Variants in SOD3 observed in about 807,000 individuals in gnomAD.
SOD3 encodes superoxide dismutase 3.
A neutral mutation model predicts 2.6 loss-of-function variants in SOD3; 3 were observed. The observed-to-expected ratio is 1.13, with a 90% CI of 0.52 to 2.93. The LOEUF is 2.93. Ranked by LOEUF, SOD3 falls within the 30% of genes most tolerant of loss-of-function variation. The pLI, the probability that SOD3 is intolerant of heterozygous loss-of-function variation, is 0.04. For synonymous variants in SOD3, 188 were observed against 177.5 expected, an observed-to-expected ratio of 1.06 and a Z score of -0.47; for missense variants, 379 against 370.4, an observed-to-expected ratio of 1.02 and a Z score of -0.19.
In SOD3 at chr4:24,799,879, G is replaced by A. The variant is rs1367821404; in HGVS notation, c.358G>A (p.Asp120Asn). The change falls in exon 2 of 2, where the codon GAC (aspartate) becomes AAC (asparagine). Residue 120 changes from aspartate to asparagine, a missense_variant. Transcript: ENST00000382120. ...SRAIHVHQFG[D>N]LSQGCESTGP... ...CGCCATCCACGTGCACCAGTTCGGG[G>A]ACCTGAGCCAGGGCTGCGAGTCCAC... 6.2e-7 allele frequency: 1 copy of A among 1,602,652 alleles called. No individual in the cohort carries two copies.
In SOD3 at chr4:24,799,578, G is replaced by T; in HGVS notation, c.57G>T (p.Trp19Cys). 1 of 1,602,886 alleles carries T rather than the reference G, an allele frequency of 6.2e-7. No homozygotes were observed. Among genetic ancestry groups the T allele is most frequent in the Non-Finnish European group, 8.5e-7 (1 of 1,178,826 alleles). Residue 19 changes from tryptophan to cysteine, a missense_variant, in exon 2 of 2, where the codon TGG (tryptophan) becomes TGT (cysteine). Trp to Cys is a radical substitution (Grantham distance 215). Transcript: ENST00000382120. ...LLLAAGASDA[W>C]TGEDSAEPNS... ...TGGCAGCCGGTGCCTCGGACGCCTG[G>T]ACGGGCGAGGACTCGGCGGAGCCCA...
rs1237507454 is a variant in SOD3, at chr4:24,799,829, C to G, written c.308C>G (p.Pro103Arg). Reference protein sequence around the residue: ...LDAFFALEGFPTEPNSSSRAI... With the variant: ...LDAFFALEGFRTEPNSSSRAI... The stretch of plus-strand genomic sequence containing the variant: ...GCCTTCTTCGCCCTGGAGGGCTTCC[C>G]GACCGAGCCGAACAGCTCCAGCCGC... Residue 103 changes from proline to arginine, a missense_variant, in exon 2 of 2, where the codon CCG (proline) becomes CGG (arginine). Transcript: ENST00000382120. 6.2e-7 allele frequency: 1 copy of G among 1,600,408 alleles called. No homozygotes were observed. Among genetic ancestry groups the G allele is most frequent in the Non-Finnish European group, 8.5e-7 (1 of 1,178,762 alleles).
chr4:24,796,514 G>A (rs557847337), intron 1 of SOD3, among the ~76,000 whole-genome samples: 8 of 123,322 alleles, frequency 6.5e-5, no homozygotes, highest in Middle Eastern at 5.5e-3. Flanking sequence ...GTAGTGGCAC[G>A]ATCACTATCA....
intron 1 of SOD3, among the ~76,000 whole-genome samples, chr4:24,798,737 C>T (rs751859320): frequency 1.3e-5 from 2 of 152,142 alleles, no homozygotes; most frequent in Non-Finnish European, 2.9e-5. Context: ...GGCTGGAAAA[C>T]TCCTACCCAT....
chr4:24,795,973 T>A (rs17882570), intron 1 of SOD3, among the ~76,000 whole-genome samples: 3,513 of 152,194 alleles, frequency 0.023, 130 homozygotes, highest in East Asian at 0.15. Flanking sequence ...CGGGAGCCAC[T>A]TATGGGACAG....
intron 1 of SOD3, among the ~76,000 whole-genome samples, chr4:24,796,430 C>CTTTTTTT (rs1203564280): frequency 9.7e-6 from 1 of 102,928 alleles, no homozygotes; most frequent in African/African-American, 3.4e-5. Flanking sequence ...CCTCCTCCTT[C>CTTTTTTT]TTCTCTTTTT....
chr4:24,798,596 C>T (rs1713741505), intron 1 of SOD3, among the ~76,000 whole-genome samples: 1 of 152,154 alleles, frequency 6.6e-6, no homozygotes, highest in African/African-American at 2.4e-5. Flanking sequence ...CCCCTTTCCT[C>T]TTCATCCCAA....
At chr4:24,796,831 CACACCCAAA>C (rs1713681770) in intron 1 of SOD3, among the ~76,000 whole-genome samples, 1 of 152,138 alleles carries the variant, frequency 6.6e-6, no homozygotes, top group Non-Finnish European at 1.5e-5. Flanking sequence ...AGCTCACTGA[CACACCCAAA>C]ACAATCTGGT....
chr4:24,800,088 C>T lies in SOD3; in HGVS notation c.567C>T (p.Arg189=), dbSNP rs1713800067. ...ACGCTGGCGAGGACGACCTGGGCCGCGGCGGCAACCAGGCCAGCGTGGAGA... is the reference window on the plus strand; with the variant it reads ...ACGCTGGCGAGGACGACCTGGGCCGTGGCGGCAACCAGGCCAGCGTGGAGA... The part of the protein sequence containing the change: ...VVHAGEDDLG[R]GGNQASVENG... The change falls in exon 2 of 2, where the codon CGC becomes CGT. Residue 189 remains arginine (R), a synonymous_variant. Transcript: ENST00000382120. 2.1e-6 allele frequency: 3 copies of T among 1,402,152 alleles called. No individual in the cohort carries two copies. Among genetic ancestry groups the T allele is most frequent in the Non-Finnish European group, 2.8e-6 (3 of 1,089,378 alleles). 86.9% of individuals were successfully genotyped at this position (1,402,152 alleles called of 1,614,324 possible).
Position 24,799,560 on chromosome 4 carries a change from C to T in SOD3, c.39C>T (p.Ala13=). 6.2e-7 allele frequency: 1 copy of T among 1,601,684 alleles called. No homozygotes were observed. The highest frequency in any genetic ancestry group is 8.5e-7 in the Non-Finnish European group (1 of 1,179,038). Residue 13 remains alanine (A), a synonymous_variant, in exon 2 of 2, where the codon GCC becomes GCT. Coordinates refer to ENST00000382120, the MANE Select transcript of SOD3 (RefSeq NM_003102.4). ...ALLCSCLLLA[A]GASDAWTGED... ...TGTGTTCCTGCCTGCTCCTGGCAGC[C>T]GGTGCCTCGGACGCCTGGACGGGCG...
Position 24,800,402 on chromosome 4 carries a change from C to T in SOD3, c.*158C>T. The T allele has an allele frequency of 1.4e-6, 1 of 694,428 alleles. No individual in the cohort carries two copies. The highest frequency in any genetic ancestry group is 5.3e-5 in the South Asian group (1 of 18,906). The allele number at this position is 694,428 out of a possible 1,614,324, so 43.0% of individuals were successfully genotyped here. On this transcript the variant is annotated 3_prime_UTR_variant, in exon 2 of 2. Coordinates refer to ENST00000382120, the MANE Select transcript of SOD3 (RefSeq NM_003102.4). The stretch of plus-strand genomic sequence containing the variant: ...TCTCCACCCAGAGGTCTCCCTATAC[C>T]GAGACCCACCATCCTTCCATCCTGA...
intron 1 of SOD3, 42 bp from the exon 2 acceptor site, chr4:24,799,464 T>C: frequency 6.3e-7 from 1 of 1,581,456 alleles, no homozygotes. Flanking sequence ...TTCACGTGAC[T>C]AAGCCTCACT....
Position 24,799,999 on chromosome 4 carries a change from C to A in SOD3, c.478C>A (p.Arg160Ser). 6.4e-7 allele frequency: 1 copy of A among 1,566,830 alleles called. No homozygotes were observed. Among genetic ancestry groups the A allele is most frequent in the South Asian group, 1.2e-5 (1 of 86,710 alleles). Residue 160 changes from arginine (R) to serine (S), a missense_variant, in exon 2 of 2, where the codon CGC (arginine) becomes AGC (serine). Arg to Ser is a moderately radical substitution (Grantham distance 110). Coordinates refer to ENST00000382120, the MANE Select transcript of SOD3 (RefSeq NM_003102.4). ...AVRDGSLWRY[R>S]AGLAASLAGP... ...CCGCGACGGCAGCCTCTGGAGGTAC[C>A]GCGCCGGCCTGGCCGCCTCGCTCGC... is the stretch of plus-strand genomic sequence containing the variant.
At position 24,800,346 on chromosome 4, in the gene SOD3, C is replaced by A; in HGVS notation, c.*102C>A. 1 of 1,200,634 alleles carries A rather than the reference C, an allele frequency of 8.3e-7. No homozygotes were observed. The highest frequency in any genetic ancestry group is 1.1e-6 in the Non-Finnish European group (1 of 928,554). 74.4% of individuals were successfully genotyped at this position (1,200,634 alleles called of 1,614,324 possible). A position where few individuals can be genotyped will look rare whatever the true frequency, so the allele number is the denominator to read the frequency against. On this transcript the variant is annotated 3_prime_UTR_variant, in exon 2 of 2. Coordinates refer to ENST00000382120, the MANE Select transcript of SOD3 (RefSeq NM_003102.4). Reference sequence around the variant, plus strand: ...GACACCCTCCACTCTGAGGTCTCACCTTCGCCTTTGCTGAAGTCTCCCCGC... The same window carrying A: ...GACACCCTCCACTCTGAGGTCTCACATTCGCCTTTGCTGAAGTCTCCCCGC...
chr4:24,796,511 C>A (rs936067012), intron 1 of SOD3, among the ~76,000 whole-genome samples: 4 of 121,666 alleles, frequency 3.3e-5, no homozygotes, highest in South Asian at 5.9e-4. Flanking sequence ...AATGTAGTGG[C>A]ACGATCACTA....
chr4:24,797,339 C>A (rs1713696005), intron 1 of SOD3, among the ~76,000 whole-genome samples: 1 of 152,208 alleles, frequency 6.6e-6, no homozygotes, highest in Non-Finnish European at 1.5e-5. Context: ...GAACATGTCA[C>A]CTTGGGCGGG....
chr4:24,799,872 G>A lies in SOD3; in HGVS notation c.351G>A (p.Gln117=). The A allele has an allele frequency of 6.2e-7, 1 of 1,602,872 alleles. No individual in the cohort carries two copies. Among genetic ancestry groups the A allele is most frequent in the Non-Finnish European group, 8.5e-7 (1 of 1,179,240 alleles). The stretch of plus-strand genomic sequence containing the variant: ...CCAGCCGCGCCATCCACGTGCACCA[G>A]TTCGGGGACCTGAGCCAGGGCTGCG... ...NSSSRAIHVH[Q]FGDLSQGCES... The change falls in exon 2 of 2, where the codon CAG becomes CAA. Residue 117 remains glutamine, a synonymous_variant. Coordinates refer to ENST00000382120, the MANE Select transcript of SOD3 (RefSeq NM_003102.4).
intron 1 of SOD3, 65 bp from the exon 2 acceptor site, chr4:24,799,441 T>C: frequency 7.1e-7 from 1 of 1,408,718 alleles, no homozygotes; most frequent in Non-Finnish European, 9.7e-7. Context: ...ATGGGGTCCC[T>C]GAGATTCTAT....
chr4:24,799,248 C>T (rs1713759208), intron 1 of SOD3, among the ~76,000 whole-genome samples: 1 of 152,142 alleles, frequency 6.6e-6, no homozygotes, highest in Non-Finnish European at 1.5e-5. Flanking sequence ...CTGGAGAGGA[C>T]GATGATCATT....
Sources: allele counts gnomAD v4.1 joint callset (sites outside exome capture counted in the v4.1 genomes callset), GRCh38; gene constraint gnomAD v4.1.1; transcripts MANE v1.5; gene names NCBI Gene and HGNC (gene_info 2026-07-23, HGNC 2026-07-21).